Variants in PRX observed in about 807,000 individuals in gnomAD.
PRX encodes the protein periaxin.
PRX carries 24 observed loss-of-function variants against 29.6 expected under a neutral mutation model. The observed-to-expected ratio is 0.81, with a 90% CI of 0.59 to 1.14. The LOEUF (loss-of-function observed/expected upper bound fraction) is 1.14. Ranked by LOEUF, PRX falls within the 50% of genes most tolerant of loss-of-function variation. The pLI is 0.00. For synonymous variants in PRX, 772 were observed against 831.7 expected, an observed-to-expected ratio of 0.93 and a Z score of 1.24; for missense variants, 1,838 against 1,926.4, an observed-to-expected ratio of 0.95 and a Z score of 0.86.
At position 40,395,702 on chromosome 19, in the gene PRX, C is replaced by T. The variant is rs781036230; in HGVS notation, c.2650G>A (p.Gly884Ser). 6.2e-7 allele frequency: 1 copy of T among 1,614,020 alleles called. No individual in the cohort carries two copies. Among genetic ancestry groups the T allele is most frequent in the African/African-American group, 1.3e-5 (1 of 75,000 alleles). ...AKMGKGERVE[G>S]PEVAAGVREV... The stretch of plus-strand genomic sequence containing the variant: ...CTGACCCCTGCTGCCACCTCAGGGC[C>T]CTCCACCCGCTCTCCCTTGCCCATT... Residue 884 changes from glycine (G) to serine (S), a missense_variant, in exon 7 of 7, where the codon GGC becomes AGC. Physicochemically the swap from Gly to Ser is moderately conservative, Grantham distance 56. Transcript: ENST00000324001.
In PRX at chr19:40,394,462, T is replaced by C. The variant is rs2049353803; in HGVS notation, c.3890A>G (p.Glu1297Gly). 1 of 1,599,764 alleles carries C rather than the reference T, an allele frequency of 6.3e-7. No individual in the cohort carries two copies. Residue 1297 changes from glutamate to glycine, a missense_variant, in exon 7 of 7, where the codon GAG (glutamate) becomes GGG (glycine). By Grantham distance (98) the Glu-to-Gly change is moderately conservative (BLOSUM62 -2). Coordinates refer to ENST00000324001, the MANE Select transcript of PRX (RefSeq NM_181882.3). This position sits in a 1 kb window ranked among gnomAD's most constrained non-coding sequence, Gnocchi z 5.8. Reference sequence around the variant, plus strand: ...CTTGAGCTTGTGTCCGGCCTCTCCCTCCCCCTCTGCCACCTGGTACTCGGC... The same window carrying C: ...CTTGAGCTTGTGTCCGGCCTCTCCCCCCCCCTCTGCCACCTGGTACTCGGC... ...NHAEYQVAEG[E>G]GEAGHKLKVR...
rs2079411817 is a variant in PRX at position 40,394,574 on chromosome 19, C to T, written c.3778G>A (p.Gly1260Ser). Residue 1260 changes from glycine (G) to serine (S), a missense_variant, in exon 7 of 7, where the codon GGT (glycine) becomes AGT (serine). Physicochemically the swap from Gly to Ser is moderately conservative, Grantham distance 56. Around this residue, in one of 3 missense-constraint regions of PRX, gnomAD observed 1,143 missense variants for 1,193.0 expected, o/e 0.96. Coordinates refer to ENST00000324001, the MANE Select transcript of PRX (RefSeq NM_181882.3). The surrounding 1 kb of genome is among the most constrained non-coding windows in gnomAD (Gnocchi z 5.8). Reference sequence around the variant, plus strand: ...GCCCCTGGGGGCTGCTCCTCAGCACCCTCGCCCCCCACCCTAGCTCTGGCC... The same window carrying T: ...GCCCCTGGGGGCTGCTCCTCAGCACTCTCGCCCCCCACCCTAGCTCTGGCC... ...LGARARVGGE[G>S]AEEQPPGAER... 1.1e-5 allele frequency: 18 copies of T among 1,608,872 alleles called. No individual in the cohort carries two copies. The highest frequency in any genetic ancestry group is 1.4e-5 in the Non-Finnish European group (17 of 1,178,884).
chr19:40,395,945 T>C lies in PRX; in HGVS notation c.2407A>G (p.Lys803Glu), dbSNP rs1420257523. Residue 803 changes from lysine to glutamate, a missense_variant, in exon 7 of 7, where the codon AAG becomes GAG. Lys to Glu is a moderately conservative substitution (Grantham distance 56). Transcript: ENST00000324001. Reference protein sequence around the residue: ...EGMEFGFKMPKMTMPKLGRAE... With the variant: ...EGMEFGFKMPEMTMPKLGRAE... The stretch of plus-strand genomic sequence containing the variant: ...CTCCCTAGCTTGGGCATGGTCATCT[T>C]GGGCATCTTGAAGCCAAATTCCATC... 1.9e-6 allele frequency: 3 copies of C among 1,614,206 alleles called. No individual in the cohort carries two copies. The highest frequency in any genetic ancestry group is 2.5e-6 in the Non-Finnish European group (3 of 1,180,042).
Position 40,398,260 on chromosome 19 carries a change from C to T in PRX, c.382-290G>A. The T allele has an allele frequency of 7.1e-7, 1 of 1,413,268 alleles. No homozygotes were observed. Among genetic ancestry groups the T allele is most frequent in the Non-Finnish European group, 9.2e-7 (1 of 1,088,114 alleles). 87.5% of individuals were successfully genotyped at this position (1,413,268 alleles called of 1,614,324 possible). The stretch of plus-strand genomic sequence containing the variant: ...CATCCTCATTCTAGAGATGGGGAAA[C>T]TGAGGCCCAGGGAGAGAAACAACTT... On this transcript the variant is annotated intron_variant, in intron 6 of 6. Coordinates refer to ENST00000324001, the MANE Select transcript of PRX (RefSeq NM_181882.3). The surrounding 1 kb of genome is among the most constrained non-coding windows in gnomAD (Gnocchi z 6.3).
chr19:40,398,966 G>A lies in PRX; in HGVS notation c.185-150C>T. ...CAGCGCAGGATTAAGTCGCAGTTAC[G>A]CTAGTCCCCGCCCCATGACCTTATC... On this transcript the variant is annotated intron_variant, in intron 5 of 6. Transcript: ENST00000324001. This position sits in a 1 kb window ranked among gnomAD's most constrained non-coding sequence, Gnocchi z 6.3. 1 of 1,479,518 alleles carries A rather than the reference G, an allele frequency of 6.8e-7. No homozygotes were observed. The highest frequency in any genetic ancestry group is 9.0e-7 in the Non-Finnish European group (1 of 1,109,456). 91.6% of individuals were successfully genotyped at this position (1,479,518 alleles called of 1,614,324 possible).
Position 40,393,919 on chromosome 19 carries a change from G to C in PRX, c.*47C>G, listed in dbSNP as rs779630217. ...AGTTATCACACACACAACAGCGAGG[G>C]GGTAGAGAAAGGAAGGCAAGAAGGG... On this transcript the variant is annotated 3_prime_UTR_variant, in exon 7 of 7. Coordinates refer to ENST00000324001, the MANE Select transcript of PRX (RefSeq NM_181882.3). The C allele has an allele frequency of 1.8e-5, 29 of 1,602,392 alleles. No homozygotes were observed. Among genetic ancestry groups the C allele is most frequent in the Middle Eastern group, 4.0e-4 (2 of 5,022 alleles).
At chr19:40,409,451 C>CTACTATTATTATTAT (rs2079548265) in intron 1 of PRX, among the ~76,000 whole-genome samples, 1 of 142,362 alleles carries the variant, frequency 7.0e-6, no homozygotes, top group Non-Finnish European at 1.5e-5. Flanking sequence ...TAAATACTTG[C>CTACTATTATTATTAT]TATTATTATT....
In PRX at chr19:40,397,164, A is replaced by G. The variant is rs2079447602; in HGVS notation, c.1188T>C (p.Phe396=). The change falls in exon 7 of 7, where the codon TTT becomes TTC. Residue 396 remains phenylalanine (F), a synonymous_variant. Transcript: ENST00000324001. Reference sequence around the variant, plus strand: ...GCCGGGGCTCCAAGAGGGAAAGCCCAAAGGTGGGCATTCGAAGTCTGGGAC... The same window carrying G: ...GCCGGGGCTCCAAGAGGGAAAGCCCGAAGGTGGGCATTCGAAGTCTGGGAC... The part of the protein sequence containing the change: ...VKGPRLRMPT[F]GLSLLEPRPA... The G allele has an allele frequency of 1.2e-6, 2 of 1,613,862 alleles. No individual in the cohort carries two copies. Among genetic ancestry groups the G allele is most frequent in the Non-Finnish European group, 1.7e-6 (2 of 1,179,954 alleles).
In PRX at chr19:40,393,898, A is replaced by G. The variant is rs2079401939; in HGVS notation, c.*68T>C. The G allele has an allele frequency of 1.3e-6, 2 of 1,598,346 alleles. No homozygotes were observed. The highest frequency in any genetic ancestry group is 1.7e-6 in the Non-Finnish European group (2 of 1,178,870). On this transcript the variant is annotated 3_prime_UTR_variant, in exon 7 of 7. Coordinates refer to ENST00000324001, the MANE Select transcript of PRX (RefSeq NM_181882.3). ...GGCCCTCTTAGGGTTAGTGCTAGTT[A>G]TCACACACACAACAGCGAGGGGGTA...
intron 1 of PRX, among the ~76,000 whole-genome samples, chr19:40,412,147 A>G (rs949212901): frequency 6.6e-6 from 1 of 151,928 alleles, no homozygotes; most frequent in Non-Finnish European, 1.5e-5. Flanking sequence ...TCACTTGGGA[A>G]CCCTGCCTGC....
At chr19:40,404,229 C>T (rs1189674312) in intron 4 of PRX, among the ~76,000 whole-genome samples, 1 of 152,218 alleles carries the variant, frequency 6.6e-6, no homozygotes, top group African/African-American at 2.4e-5. Flanking sequence ...CTTTCTAGGA[C>T]CCGCGGAACG....
upstream of PRX, among the ~76,000 whole-genome samples, chr19:40,414,734 C>T (rs964664230): frequency 2.6e-5 from 4 of 152,144 alleles, no homozygotes; most frequent in African/African-American, 9.7e-5. Context: ...AGCACAGGTA[C>T]CCCCACATGC....
Position 40,396,362 on chromosome 19 carries a change from C to T in PRX, c.1990G>A (p.Glu664Lys). 1 of 1,613,040 alleles carries T rather than the reference C, an allele frequency of 6.2e-7. No homozygotes were observed. The highest frequency in any genetic ancestry group is 8.5e-7 in the Non-Finnish European group (1 of 1,179,880). The change falls in exon 7 of 7, where the codon GAG (glutamate) becomes AAG (lysine). Residue 664 changes from glutamate (E) to lysine (K), a missense_variant. Coordinates refer to ENST00000324001, the MANE Select transcript of PRX (RefSeq NM_181882.3). ...LPEVQLPKVP[E>K]MKLPKMPEMA... ...TCAGGCATTTTAGGGAGTTTCATCTCTGGGACTTTCGGGAGCTGCACTTCC... is the reference window on the plus strand; with the variant it reads ...TCAGGCATTTTAGGGAGTTTCATCTTTGGGACTTTCGGGAGCTGCACTTCC...
At position 40,408,340 on chromosome 19, in the gene PRX, C is replaced by A; in HGVS notation, c.-199G>T. The A allele has an allele frequency of 2.8e-6, 1 of 352,084 alleles. No homozygotes were observed. The highest frequency in any genetic ancestry group is 5.4e-6 in the Non-Finnish European group (1 of 183,986). The allele number at this position is 352,084 out of a possible 1,614,324, so 21.8% of individuals were successfully genotyped here. ...GCATATGGCACCAGCCTGCGCTCAC[C>A]TGAGGGTCACCTCCAGCTCCTTGGG... On this transcript the variant is annotated splice_region_variant and 5_prime_UTR_variant, in exon 2 of 7. In the 5' UTR this introduces an upstream ATG that the reference lacks. Transcript: ENST00000324001.
intron 1 of PRX, among the ~76,000 whole-genome samples, chr19:40,411,962 T>C (rs1484156996): frequency 1.3e-5 from 2 of 152,230 alleles, no homozygotes; most frequent in African/African-American, 2.4e-5. Flanking sequence ...CTGTCTTGGC[T>C]CCTTAAATCT....
chr19:40,414,242 C>G (rs1217294078), upstream of PRX, among the ~76,000 whole-genome samples: 1 of 152,164 alleles, frequency 6.6e-6, no homozygotes, highest in Non-Finnish European at 1.5e-5. Context: ...CCCGACTGAG[C>G]CCCCTCAAAT....
chr19:40,400,895 C>A (rs2079489836), intron 5 of PRX, among the ~76,000 whole-genome samples: 1 of 152,194 alleles, frequency 6.6e-6, no homozygotes, highest in Non-Finnish European at 1.5e-5. Context: ...CCAAGTATAT[C>A]TCTCCAGTCC....
upstream of PRX, among the ~76,000 whole-genome samples, chr19:40,413,824 C>T (rs576183529): frequency 2.0e-5 from 3 of 152,332 alleles, no homozygotes; most frequent in South Asian, 4.1e-4. Flanking sequence ...TAAGAGTACC[C>T]ACCTTATGGG....
Position 40,396,469 on chromosome 19 carries a change from T to C in PRX, c.1883A>G (p.Glu628Gly). ...GAGTTTCATCTCAGGGAGCTTCATC[T>C]CTGGGACTTTTGGAAGCTGCACTTC... ...LPEVQLPKVP[E>G]MKLPEMKLPE... The change falls in exon 7 of 7, where the codon GAG becomes GGG. Residue 628 changes from glutamate (E) to glycine (G), a missense_variant. Around this residue, in one of 3 missense-constraint regions of PRX, gnomAD observed 1,143 missense variants for 1,193.0 expected, o/e 0.96. Transcript: ENST00000324001. 6.2e-7 allele frequency: 1 copy of C among 1,612,252 alleles called. No individual in the cohort carries two copies. Among genetic ancestry groups the C allele is most frequent in the Non-Finnish European group, 8.5e-7 (1 of 1,179,634 alleles).
Sources: allele counts gnomAD v4.1 joint callset (sites outside exome capture counted in the v4.1 genomes callset), GRCh38; gene constraint gnomAD v4.1.1; regional missense constraint gnomAD v4.1.1; non-coding constraint Gnocchi (gnomAD v3.1); transcripts MANE v1.5; gene names NCBI Gene and HGNC (gene_info 2026-07-23, HGNC 2026-07-21).